The following ELAC2 variants were observed in gnomAD, a reference collection of about 807,000 sequenced individuals.
ELAC2 encodes the protein zinc phosphodiesterase ELAC protein 2.
A neutral mutation model predicts 105.2 loss-of-function variants in ELAC2; 92 were observed. The observed-to-expected ratio is 0.87, with a 90% CI of 0.74 to 1.04. The LOEUF is 1.04. Ranked by LOEUF, ELAC2 falls within the 50% of genes least tolerant of loss-of-function variation. The pLI is 0.00. For missense variants in ELAC2, 1,099 were observed against 1,071.7 expected (o/e 1.03, Z -0.36); for synonymous variants, 468 against 409.1 (o/e 1.14, Z -1.74).
chr17:12,999,972 T>TA (rs1221482660), intron 15 of ELAC2, among the ~76,000 whole-genome samples, 184 bp downstream of exon 15: 1 of 152,208 alleles, frequency 6.6e-6, no homozygotes, highest in Non-Finnish European at 1.5e-5. Context: ...TTGGGATTCT[T>TA]AAACTCCCCA....
At position 13,005,770 on chromosome 17, in the gene ELAC2, T is replaced by G. The variant is rs968535352; in HGVS notation, c.853A>C (p.Thr285Pro). ...CATCTCACCTCTCTTCCTTCATGAG[T>G]GATGCTTTTCCCGTCCTTGACAGCA... The part of the protein sequence containing the change: ...IAAVKDGKSI[T>P]HEGREILAEE... Residue 285 changes from threonine (T) to proline (P), a missense_variant, in exon 10 of 24, where the codon ACT becomes CCT. Thr to Pro is a conservative substitution (Grantham distance 38). Transcript: ENST00000338034. 6.2e-7 allele frequency: 1 copy of G among 1,613,974 alleles called. No individual in the cohort carries two copies. The highest frequency in any genetic ancestry group is 1.3e-5 in the African/African-American group (1 of 74,882).
rs387906327 is a variant in ELAC2 at position 12,996,564 on chromosome 17, G to GC, written c.1641dup (p.His548AlafsTer68). ...ACACTCACCGTGTGGTGATCTGCGT[G>GC]CAGGTGGGACACAAACACAGCAGCC... On this transcript the variant is annotated frameshift_variant, in exon 17 of 24. Transcript: ENST00000338034. LOFTEE classifies it high-confidence loss of function. 1.1e-5 allele frequency: 17 copies of GC among 1,613,890 alleles called. No individual in the cohort carries two copies. The highest frequency in any genetic ancestry group is 1.4e-5 in the Non-Finnish European group (17 of 1,180,050).
At position 13,017,932 on chromosome 17, in the gene ELAC2, A is replaced by G. The variant is rs778056222; in HGVS notation, c.16T>C (p.Ser6Pro). ...CGTCCGGCCGCGGACCGCAGCAGCGAGCAAAGCGCCCACATGCGCCCGTCT... is the reference window on the plus strand; with the variant it reads ...CGTCCGGCCGCGGACCGCAGCAGCGGGCAAAGCGCCCACATGCGCCCGTCT... MWALC[S>P]LLRSAAGRTM... The change falls in exon 1 of 24, where the codon TCG becomes CCG. Residue 6 changes from serine to proline, a missense_variant. Transcript: ENST00000338034. 1.4e-5 allele frequency: 21 copies of G among 1,538,832 alleles called. No homozygotes were observed. The highest frequency in any genetic ancestry group is 2.4e-5 in the East Asian group (1 of 40,950).
intron 3 of ELAC2, among the ~76,000 whole-genome samples, chr17:13,016,239 T>C (rs568862179): frequency 8.5e-5 from 13 of 152,312 alleles, no homozygotes; most frequent in South Asian, 6.2e-4. Flanking sequence ...TTCCGGTTGA[T>C]AGACATAAAT....
chr17:12,993,625 G>C, intron 23 of ELAC2, 62 bp downstream of exon 23: 2 of 1,609,802 alleles, frequency 1.2e-6, no homozygotes, highest in Non-Finnish European at 1.7e-6. Context: ...GTCCTACTCA[G>C]TGTGTAGAGT....
At position 12,991,622 on chromosome 17, in the gene ELAC2, A is replaced by AAAAT. The variant is rs553257515; in HGVS notation, c.*1192_*1195dup. 94 of 185,750 alleles carry AAAAT rather than the reference A, an allele frequency of 5.1e-4. No homozygotes were observed. The highest frequency in any genetic ancestry group is 3.5e-3 in the Admixed American group (56 of 16,118). The allele number at this position is 185,750 out of a possible 1,614,324, so 11.5% of individuals were successfully genotyped here. ...AATCGTTGTCAAAAGTAACGTTATTAAAATAGATTTATTATCCCTGAGCTT... is the reference window on the plus strand; with the variant it reads ...AATCGTTGTCAAAAGTAACGTTATTAAAATAAATAGATTTATTATCCCTGAGCTT... On this transcript the variant is annotated 3_prime_UTR_variant, in exon 24 of 24. Coordinates refer to ENST00000338034, the MANE Select transcript of ELAC2 (RefSeq NM_018127.7).
chr17:13,012,946 C>A (rs1005603697), intron 6 of ELAC2, among the ~76,000 whole-genome samples: 4 of 152,190 alleles, frequency 2.6e-5, no homozygotes, highest in African/African-American at 9.7e-5. Flanking sequence ...AATGTGCAAA[C>A]TTGAATGCAA....
chr17:13,000,334 C>G, intron 14 of ELAC2, 60 bp from the exon 15 acceptor site: 3 of 1,453,782 alleles, frequency 2.1e-6, no homozygotes, highest in Non-Finnish European at 2.9e-6. Context: ...TCAGCAGACC[C>G]CATTGGGGAT....
Position 12,998,499 on chromosome 17 carries a change from C to T in ELAC2, c.1433G>A (p.Ser478Asn), listed in dbSNP as rs758711983. Residue 478 changes from serine (S) to asparagine (N), a missense_variant, in exon 16 of 24, where the codon AGT (serine) becomes AAT (asparagine). Transcript: ENST00000338034. ...QDGPAPAEKR[S>N]QYPEIIFLGT... ...AAGGAAGATGATTTCTGGGTACTGACTTCTTTTCTCTGTGAAAAAATCCAT... is the reference window on the plus strand; with the variant it reads ...AAGGAAGATGATTTCTGGGTACTGATTTCTTTTCTCTGTGAAAAAATCCAT... The T allele has an allele frequency of 6.2e-7, 1 of 1,614,072 alleles. No homozygotes were observed. Among genetic ancestry groups the T allele is most frequent in the Non-Finnish European group, 8.5e-7 (1 of 1,179,922 alleles).
At chr17:13,008,563 C>T (rs149148236) in intron 8 of ELAC2, among the ~76,000 whole-genome samples, 9 of 152,246 alleles carry the variant, frequency 5.9e-5, no homozygotes, top group African/African-American at 1.9e-4. Flanking sequence ...AACCCATCTC[C>T]CTGGGAGCTG....
intron 2 of ELAC2, 31 bp downstream of exon 2, chr17:13,017,040 C>T (rs2041772505): frequency 6.2e-7 from 1 of 1,613,916 alleles, no homozygotes; most frequent in Non-Finnish European, 8.5e-7. Flanking sequence ...CCGTAATCAA[C>T]TCCCCCTCCG....
chr17:13,006,671 C>A (rs58985615), intron 8 of ELAC2: 42,162 of 152,876 alleles, frequency 0.28, 5,987 homozygotes, highest in Middle Eastern at 0.33. Flanking sequence ...AGAGCGTTGC[C>A]TAACAGAGCA....
intron 23 of ELAC2, 152 bp downstream of exon 23, chr17:12,993,535 G>C (rs1349463372): frequency 2.7e-6 from 3 of 1,129,212 alleles, no homozygotes; most frequent in Non-Finnish European, 3.8e-6. Context: ...GCAAACCCAG[G>C]GTGGTTCGAC....
At chr17:12,995,114 G>A in intron 19 of ELAC2, 52 bp from the exon 20 acceptor site, 1 of 1,590,460 alleles carries the variant, frequency 6.3e-7, no homozygotes, top group South Asian at 1.1e-5. Flanking sequence ...TTGGACATCT[G>A]GAACCAAAGT....
At chr17:12,996,220 G>C in intron 17 of ELAC2, 1 of 634,364 alleles carries the variant, frequency 1.6e-6, no homozygotes, top group Non-Finnish European at 2.8e-6. Context: ...GGCACCCCAG[G>C]AGACCAAGGT....
intron 5 of ELAC2, 77 bp downstream of exon 5, chr17:13,014,362 T>C (rs773310150): frequency 5.3e-6 from 6 of 1,131,166 alleles, no homozygotes; most frequent in Non-Finnish European, 6.8e-6. Context: ...TTGATGTTTT[T>C]AATGGATTCT....
At position 12,991,873 on chromosome 17, in the gene ELAC2, C is replaced by CT. The variant is rs954453818; in HGVS notation, c.*944dup. Among the ~76,000 whole-genome samples, 22 of 119,818 alleles carry CT rather than the reference C, an allele frequency of 1.8e-4. No individual in the cohort carries two copies. The highest frequency in any genetic ancestry group is 1.6e-3 in the East Asian group (6 of 3,726). The allele number at this position is 119,818 out of a possible 152,430, so 78.6% of individuals were successfully genotyped here. A position where few individuals can be genotyped will look rare whatever the true frequency, so the allele number is the denominator to read the frequency against. On this transcript the variant is annotated 3_prime_UTR_variant, in exon 24 of 24. Transcript: ENST00000338034. ...CTTACTTACTTACTTACTTACTTTA[C>CT]TTACTTACTTCCTTGGAAAATGCTC...
intron 3 of ELAC2, 113 bp downstream of exon 3, chr17:13,016,745 CAAAA>C (rs879009279): frequency 3.0e-3 from 1,900 of 641,362 alleles, no homozygotes; most frequent in Middle Eastern, 3.4e-3. Context: ...ACGCCACTGA[CAAAA>C]AAAAAAAAAA....
intron 14 of ELAC2, among the ~76,000 whole-genome samples, chr17:13,001,451 C>A (rs1163623147): frequency 6.6e-6 from 1 of 151,984 alleles, no homozygotes; most frequent in African/African-American, 2.4e-5. Context: ...GAGATCACGC[C>A]ATTGCACTCC....
Sources: gnomAD v4.1 joint callset for allele counts (sites outside exome capture counted in the v4.1 genomes callset) on GRCh38, gnomAD v4.1.1 for gene constraint, MANE v1.5 for transcripts, NCBI Gene and HGNC (gene_info 2026-07-23, HGNC 2026-07-21) for gene names.